GPHN: variants seen among roughly 807,000 people sequenced by gnomAD.
The protein encoded by GPHN is gephyrin.
Under a neutral mutation model 95.5 loss-of-function variants are expected in GPHN, and 17 were observed. That is an observed-to-expected ratio of 0.18 (90% CI 0.12 to 0.27). The LOEUF (loss-of-function observed/expected upper bound fraction) is 0.27, where lower values mean the gene tolerates loss of function less well. GPHN is among the 10% of genes least tolerant of loss of function. GPHN has a pLI of 1.00. For missense variants in GPHN, 660 were observed against 978.1 expected, an observed-to-expected ratio of 0.67 and a Z score of 4.34; for synonymous variants, 320 against 322.5, an observed-to-expected ratio of 0.99 and a Z score of 0.08.
At chr14:67,052,102 C>A (rs1303356483) in intron 10 of GPHN, among the ~76,000 whole-genome samples, 1 of 151,882 alleles carries the variant, frequency 6.6e-6, no homozygotes. Flanking sequence ...ATCAAATTCA[C>A]AAATATATTA....
chr14:67,378,314 CTTT>C, the GPHN span, among the ~76,000 whole-genome samples: 15 of 107,622 alleles, frequency 1.4e-4, no homozygotes, highest in African/African-American at 4.5e-4. Flanking sequence ...TCTCATGTGA[CTTT>C]TTTTTTTTTT....
chr14:67,138,934 G>A (rs1173111038), intron 17 of GPHN, among the ~76,000 whole-genome samples: 1 of 133,070 alleles, frequency 7.5e-6, no homozygotes, highest in Non-Finnish European at 1.5e-5. Context: ...TAAGAGACTA[G>A]GTCTAGGGCC....
the GPHN span, chr14:67,383,278 A>G: frequency 6.2e-7 from 1 of 1,606,006 alleles, no homozygotes; most frequent in Non-Finnish European, 8.5e-7. Context: ...TATAGTATTT[A>G]CTACTTCAGT....
chr14:66,697,039 A>G (rs1216229693), intron 2 of GPHN, among the ~76,000 whole-genome samples: 1 of 152,182 alleles, frequency 6.6e-6, no homozygotes, highest in African/African-American at 2.4e-5. Context: ...TCTGTTTATA[A>G]ACAAAATTTC....
the GPHN span, chr14:67,600,099 C>A: frequency 6.3e-7 from 1 of 1,595,872 alleles, no homozygotes; most frequent in Non-Finnish European, 8.5e-7. Context: ...GCAGCGAGAG[C>A]CGAGGGCAGC....
chr14:66,632,808 C>T (rs924952279), intron 1 of GPHN, among the ~76,000 whole-genome samples: 5 of 152,006 alleles, frequency 3.3e-5, no homozygotes, highest in South Asian at 2.1e-4. Context: ...ATACATTCTG[C>T]GTATTCCAGT....
chr14:67,629,390 G>A, the GPHN span, among the ~76,000 whole-genome samples: 1 of 152,188 alleles, frequency 6.6e-6, no homozygotes, highest in Non-Finnish European at 1.5e-5. Flanking sequence ...CAATATGGGT[G>A]AACTTTGAGG....
At chr14:67,581,837 TG>T in the GPHN span, 5 of 497,920 alleles carry the variant, frequency 1.0e-5, no homozygotes, top group Non-Finnish European at 1.8e-5. Flanking sequence ...GTAAGCTTAA[TG>T]GTATCTTCAG....
rs570182451 is a variant in GPHN, at chr14:66,755,394, T to C, written c.144-21070T>C. Among the ~76,000 whole-genome samples the C allele has an allele frequency of 6.6e-5, 10 of 152,252 alleles. 1 individual carries two copies. The South Asian group carries it at 1.7e-3, about 25-fold the overall frequency. On this transcript the variant is annotated intron_variant, in intron 2 of 22. Coordinates refer to ENST00000478722, the MANE Select transcript of GPHN (RefSeq NM_020806.5). ...GGCTCTGGGAAATTTTTCAAGTTTG[T>C]CTCAGTGCTTTAAGCCTTATAAAAA...
At chr14:67,691,106 C>A in the GPHN span, 174 of 1,458,400 alleles carry the variant, frequency 1.2e-4, no homozygotes, top group Admixed American at 3.5e-4. Context: ...AATTTTGGGT[C>A]TCTCTAGCTT....
the GPHN span, chr14:67,292,644 T>C: frequency 1.7e-5 from 27 of 1,613,658 alleles, no homozygotes; most frequent in Non-Finnish European, 1.9e-5. Flanking sequence ...AGATACACAA[T>C]GCCATCACAG....
the GPHN span, among the ~76,000 whole-genome samples, chr14:67,244,051 A>T: frequency 3.2e-3 from 493 of 152,296 alleles, 2 homozygotes; most frequent in Non-Finnish European, 5.4e-3. Context: ...TGTTAGATAA[A>T]CCAATAAGTT....
At chr14:66,622,687 G>T (rs2063357960) in intron 1 of GPHN, among the ~76,000 whole-genome samples, 1 of 152,028 alleles carries the variant, frequency 6.6e-6, no homozygotes, top group African/African-American at 2.4e-5. Context: ...CAGATCTCTG[G>T]GGCAGGGGCA....
chr14:67,559,698 T>A, the GPHN span: 3 of 1,588,550 alleles, frequency 1.9e-6, no homozygotes, highest in African/African-American at 4.0e-5. Flanking sequence ...AAAGGTGGGT[T>A]GGAAACTCAT....
chr14:67,710,444 A>G, the GPHN span, among the ~76,000 whole-genome samples: 1 of 152,208 alleles, frequency 6.6e-6, no homozygotes, highest in African/African-American at 2.4e-5. Context: ...TGTGACTTAC[A>G]TAGACCTTTT....
At chr14:66,843,140 G>A (rs2062163103) in intron 4 of GPHN, among the ~76,000 whole-genome samples, 1 of 151,966 alleles carries the variant, frequency 6.6e-6, no homozygotes, top group African/African-American at 2.4e-5. Flanking sequence ...TTTGGTTTTT[G>A]TCTCTCCTTT....
At chr14:66,722,777 A>G (rs1219329055) in intron 2 of GPHN, among the ~76,000 whole-genome samples, 1 of 152,146 alleles carries the variant, frequency 6.6e-6, no homozygotes, top group Non-Finnish European at 1.5e-5. Context: ...ACAACAAAAT[A>G]CTTTTGACTA....
chr14:66,837,361 G>T (rs758762357), intron 4 of GPHN, among the ~76,000 whole-genome samples: 1 of 145,428 alleles, frequency 6.9e-6, no homozygotes, highest in Non-Finnish European at 1.5e-5. Flanking sequence ...ACCAAACACC[G>T]CATGTTCTCA....
At chr14:67,627,236 G>C in the GPHN span, among the ~76,000 whole-genome samples, 1 of 133,662 alleles carries the variant, frequency 7.5e-6, no homozygotes, top group African/African-American at 3.0e-5. Flanking sequence ...AAAAAACTAG[G>C]CAATTGTGAT....
Sources: gnomAD v4.1 joint callset for allele counts (sites outside exome capture counted in the v4.1 genomes callset) on GRCh38, gnomAD v4.1.1 for gene constraint, MANE v1.5 for transcripts, NCBI Gene and HGNC (gene_info 2026-07-23, HGNC 2026-07-21) for gene names.